The following HINFP variants were observed in gnomAD, a reference collection of about 807,000 sequenced individuals.
HINFP encodes the protein histone H4 transcription factor.
A neutral mutation model predicts 50.1 loss-of-function variants in HINFP; 20 were observed. The observed-to-expected ratio is 0.40, with a 90% CI of 0.28 to 0.58. The LOEUF (loss-of-function observed/expected upper bound fraction) is 0.58. HINFP is among the 20% of genes least tolerant of loss of function. The pLI, the probability that HINFP is intolerant of heterozygous loss-of-function variation, is 0.45. For synonymous variants in HINFP, 247 were observed against 243.7 expected (o/e 1.01, Z -0.13); for missense variants, 505 against 664.1 (o/e 0.76, Z 2.63).
At position 119,135,424 on chromosome 11, in the gene HINFP, G is replaced by C. The variant is rs533354911; in HGVS notation, c.*926G>C. On this transcript the variant is annotated 3_prime_UTR_variant, in exon 10 of 10. Coordinates refer to ENST00000350777, the MANE Select transcript of HINFP (RefSeq NM_198971.3). ...TACCTGGGAGTGGGAAGGAAGCTGG[G>C]GGGTGGAGAGGATTGGGAAGCCTCC... 2 of 152,194 alleles carry C rather than the reference G, an allele frequency of 1.3e-5. No homozygotes were observed. The highest frequency in any genetic ancestry group is 2.9e-5 in the Non-Finnish European group (2 of 68,064). The allele number at this position is 152,194 out of a possible 1,614,324, so 9.4% of individuals were successfully genotyped here. A position where few individuals can be genotyped will look rare whatever the true frequency, so the allele number is the denominator to read the frequency against.
chr11:119,127,498 T>A (rs1947478564), intron 2 of HINFP: 1 of 152,216 alleles, frequency 6.6e-6, no homozygotes, highest in Admixed American at 6.6e-5. Flanking sequence ...TTTTTTACTC[T>A]TCTAGTATTC....
At chr11:119,121,862 G>C (rs1236469532) in intron 1 of HINFP, 1 of 152,458 alleles carries the variant, frequency 6.6e-6, no homozygotes, top group Non-Finnish European at 1.5e-5. Context: ...GCGGGACTGC[G>C]AGTGGAGAGG....
chr11:119,129,490 C>CTTTTTTTTTTTTTTTTTTTTTTTTTTT (rs59395600), intron 2 of HINFP, among the ~76,000 whole-genome samples: 17 of 124,176 alleles, frequency 1.4e-4, no homozygotes, highest in African/African-American at 2.5e-4. Context: ...TTTTTCTTTT[C>CTTTTTTTTTTTTTTTTTTTTTTTTTTT]TTTTTTTTTT....
At chr11:119,123,456 A>C (rs2135011370) in intron 1 of HINFP, among the ~76,000 whole-genome samples, 1 of 152,284 alleles carries the variant, frequency 6.6e-6, no homozygotes, top group Non-Finnish European at 1.5e-5. Flanking sequence ...TAATAGTCAG[A>C]GGAGGTGTGG....
chr11:119,123,944 C>G (rs943540586), intron 1 of HINFP: 2 of 152,094 alleles, frequency 1.3e-5, no homozygotes, highest in African/African-American at 4.8e-5. Context: ...CTCGGCCTCC[C>G]AAAGTGCTGG....
chr11:119,127,148 G>C, intron 2 of HINFP, 23 bp downstream of exon 2: 1 of 1,567,088 alleles, frequency 6.4e-7, no homozygotes, highest in Non-Finnish European at 8.6e-7. Context: ...GACACAGGAA[G>C]GGGAGGAGCT....
rs202079073 is a variant in HINFP at position 119,127,090 on chromosome 11, A to T, written c.146A>T (p.Glu49Val). The change falls in exon 2 of 10, where the codon GAG becomes GTG. Residue 49 changes from glutamate to valine, a missense_variant. Glu to Val is a moderately radical substitution (Grantham distance 121). Coordinates refer to ENST00000350777, the MANE Select transcript of HINFP (RefSeq NM_198971.3). ...CAGCAGCACCTGCATGGCTCTGGGGAGGAGGAGGAAGAGGAAGAGGAGGAT... is the reference window on the plus strand; with the variant it reads ...CAGCAGCACCTGCATGGCTCTGGGGTGGAGGAGGAAGAGGAAGAGGAGGAT... ...HLQQHLHGSG[E>V]EEEEEEEDDP... 6.7e-5 allele frequency: 108 copies of T among 1,611,900 alleles called. No individual in the cohort carries two copies. Among genetic ancestry groups the T allele is most frequent in the Non-Finnish European group, 8.9e-5 (105 of 1,179,134 alleles).
rs143837668 is a variant in HINFP at position 119,127,062 on chromosome 11, C to A, written c.118C>A (p.Leu40Met). 3.3e-5 allele frequency: 53 copies of A among 1,614,060 alleles called. No individual in the cohort carries two copies. In the African/African-American group the frequency reaches 6.4e-4, roughly 19 times the overall value. Reference sequence around the variant, plus strand: ...GTTCTTTGAGCATGTCACTCAGCACCTGCAGCAGCACCTGCATGGCTCTGG... The same window carrying A: ...GTTCTTTGAGCATGTCACTCAGCACATGCAGCAGCACCTGCATGGCTCTGG... ...EKFFEHVTQH[L>M]QQHLHGSGEE... The change falls in exon 2 of 10, where the codon CTG becomes ATG. Residue 40 changes from leucine (L) to methionine (M), a missense_variant. Transcript: ENST00000350777.
chr11:119,133,824 CT>C, intron 9 of HINFP: 2 of 572,978 alleles, frequency 3.5e-6, no homozygotes, highest in Admixed American at 3.1e-5. Flanking sequence ...TCCTTTGACA[CT>C]TTCACCCTCC....
rs1338696275 is a variant in HINFP at position 119,135,021 on chromosome 11, T to C, written c.*523T>C. ...GCATTGAGCGTGTTTATTAACAAATTGTTTTTGGTAATAAAATAAATGCTT... is the reference window on the plus strand; with the variant it reads ...GCATTGAGCGTGTTTATTAACAAATCGTTTTTGGTAATAAAATAAATGCTT... On this transcript the variant is annotated 3_prime_UTR_variant, in exon 10 of 10. Coordinates refer to ENST00000350777, the MANE Select transcript of HINFP (RefSeq NM_198971.3). 6.5e-6 allele frequency: 1 copy of C among 153,084 alleles called. No homozygotes were observed. Among genetic ancestry groups the C allele is most frequent in the African/African-American group, 2.4e-5 (1 of 41,452 alleles). The allele number at this position is 153,084 out of a possible 1,614,324, so 9.5% of individuals were successfully genotyped here. A position where few individuals can be genotyped will look rare whatever the true frequency, so the allele number is the denominator to read the frequency against.
chr11:119,128,185 T>C (rs757012458), intron 2 of HINFP, among the ~76,000 whole-genome samples: 1 of 152,134 alleles, frequency 6.6e-6, no homozygotes, highest in African/African-American at 2.4e-5. Context: ...GTCTGACTTA[T>C]GTTTTAGGTA....
intron 2 of HINFP, among the ~76,000 whole-genome samples, chr11:119,129,405 C>G (rs1352533440): frequency 6.6e-6 from 1 of 151,810 alleles, no homozygotes; most frequent in Non-Finnish European, 1.5e-5. Context: ...CTCTTGGCCT[C>G]AAGTGATCCT....
chr11:119,123,004 T>A (rs1836665287), intron 1 of HINFP, among the ~76,000 whole-genome samples: 1 of 151,618 alleles, frequency 6.6e-6, no homozygotes, highest in African/African-American at 2.4e-5. Context: ...GTGCTTATAG[T>A]CCCAGCTATA....
intron 2 of HINFP, chr11:119,127,474 T>G (rs76521750): frequency 2.6e-5 from 2 of 77,850 alleles, no homozygotes; most frequent in Admixed American, 2.2e-4. Flanking sequence ...TGTTGTTGTG[T>G]TTTTTTTTTT....
chr11:119,132,870 G>C lies in HINFP; in HGVS notation c.882G>C (p.Lys294Asn). The part of the protein sequence containing the change: ...FKCDCCDYSC[K>N]NLIDLQKHLD... ...TCCTGATTTCTCATGGCAGCTGCAA[G>C]AATCTTATTGACCTCCAGAAGCACC... The change falls in exon 8 of 10, where the codon AAG becomes AAC. Residue 294 changes from lysine to asparagine, a missense_variant. Lys to Asn is a moderately conservative substitution (Grantham distance 94, BLOSUM62 0). Coordinates refer to ENST00000350777, the MANE Select transcript of HINFP (RefSeq NM_198971.3). 6.2e-7 allele frequency: 1 copy of C among 1,614,236 alleles called. No individual in the cohort carries two copies. The highest frequency in any genetic ancestry group is 8.5e-7 in the Non-Finnish European group (1 of 1,180,050).
intron 1 of HINFP, chr11:119,125,671 C>T (rs1315967204): frequency 6.6e-6 from 1 of 152,078 alleles, no homozygotes; most frequent in Non-Finnish European, 1.5e-5. Flanking sequence ...GGGTGAGACT[C>T]TGTCTCAAGA....
At chr11:119,126,646 T>G in intron 1 of HINFP, 1 of 255,158 alleles carries the variant, frequency 3.9e-6, no homozygotes, top group South Asian at 8.3e-5. Flanking sequence ...GAATAATTCC[T>G]TCTTGGTGGG....
At chr11:119,126,096 T>C (rs549134260) in intron 1 of HINFP, 3 of 152,232 alleles carry the variant, frequency 2.0e-5, no homozygotes, top group Non-Finnish European at 4.4e-5. Flanking sequence ...CTCACACCTA[T>C]GATCCCAGCA....
At chr11:119,121,908 A>G (rs1394447653) in intron 1 of HINFP, 3 of 152,348 alleles carry the variant, frequency 2.0e-5, no homozygotes, top group African/African-American at 4.8e-5. Flanking sequence ...CCTTCTGTCC[A>G]AATTCTACCT....
Sources: gnomAD v4.1 joint callset for allele counts (sites outside exome capture counted in the v4.1 genomes callset) on GRCh38, gnomAD v4.1.1 for gene constraint, MANE v1.5 for transcripts, NCBI Gene and HGNC (gene_info 2026-07-23, HGNC 2026-07-21) for gene names.